The following CGNL1 variants were observed in gnomAD, a reference collection of about 807,000 sequenced individuals.
CGNL1 encodes the protein cingulin like 1.
In CGNL1, 132 loss-of-function variants were observed where a neutral mutation model predicts 141.2. The ratio of observed to expected loss-of-function variants is 0.93; its 90% CI spans 0.81 to 1.08. CGNL1 has a LOEUF of 1.08. Ranked by LOEUF, CGNL1 falls within the 50% of genes least tolerant of loss-of-function variation. CGNL1 has a pLI of 0.00. For missense variants in CGNL1, 1,870 were observed against 1,588.6 expected (o/e 1.18, Z -3.01); for synonymous variants, 690 against 622.1 (o/e 1.11, Z -1.63).
At chr15:57,458,805 A>G (rs1476025954) in intron 7 of CGNL1, among the ~76,000 whole-genome samples, 1 of 152,180 alleles carries the variant, frequency 6.6e-6, no homozygotes, top group Non-Finnish European at 1.5e-5. Flanking sequence ...GTATAATTTC[A>G]TAAGATCTCT....
intron 8 of CGNL1, among the ~76,000 whole-genome samples, chr15:57,482,080 C>A (rs2063733322): frequency 6.6e-6 from 1 of 151,282 alleles, no homozygotes; most frequent in African/African-American, 2.4e-5. Flanking sequence ...CTATTCATGT[C>A]TTTTGCCCAT....
intron 14 of CGNL1, among the ~76,000 whole-genome samples, chr15:57,539,070 T>C (rs2032424825): frequency 6.6e-6 from 1 of 152,126 alleles, no homozygotes; most frequent in Non-Finnish European, 1.5e-5. Context: ...ATTCTTGGTG[T>C]TTCCCCTCTG....
At chr15:57,418,800 T>C (rs1320167819) in intron 1 of CGNL1, among the ~76,000 whole-genome samples, 1 of 152,144 alleles carries the variant, frequency 6.6e-6, no homozygotes, top group African/African-American at 2.4e-5. Flanking sequence ...GTGTGCCCGG[T>C]GACCTATTGA....
intron 14 of CGNL1, among the ~76,000 whole-genome samples, chr15:57,538,099 G>A (rs2140214656): frequency 6.6e-6 from 1 of 152,320 alleles, no homozygotes; most frequent in Admixed American, 6.5e-5. Context: ...CTAGTCCTGG[G>A]ATCACTGCAC....
intron 12 of CGNL1, among the ~76,000 whole-genome samples, chr15:57,525,680 A>G (rs2031565631): frequency 6.6e-6 from 1 of 152,192 alleles, no homozygotes. Context: ...TTTAAAAAAC[A>G]AACTTTAATT....
chr15:57,543,914 T>C, intron 15 of CGNL1, 135 bp downstream of exon 15: 1 of 621,254 alleles, frequency 1.6e-6, no homozygotes, highest in Non-Finnish European at 2.8e-6. Flanking sequence ...TAACAGTCCT[T>C]TTCCAGAGTT....
Position 57,548,003 on chromosome 15 carries a change from CTT to C in CGNL1, c.*527_*528del, listed in dbSNP as rs35382198. The C allele has an allele frequency of 1.2e-4, 16 of 138,950 alleles. No homozygotes were observed. The highest frequency in any genetic ancestry group is 2.1e-4 in the East Asian group (1 of 4,846). The allele number at this position is 138,950 out of a possible 1,614,324, so 8.6% of individuals were successfully genotyped here. A position where few individuals can be genotyped will look rare whatever the true frequency, so the allele number is the denominator to read the frequency against. ...AGTTCATGCATCTATATTGAGTATT[CTT>C]TTTTTTTTTTTTTGAGATGGAGTTT... On this transcript the variant is annotated 3_prime_UTR_variant, in exon 19 of 19. Coordinates refer to ENST00000281282, the MANE Select transcript of CGNL1 (RefSeq NM_032866.5).
Position 57,438,550 on chromosome 15 carries a change from A to G in CGNL1, c.551A>G (p.Asn184Ser). ...AAAACGTTGACAGAAGAAGGCATCA[A>G]CAATAAGAAGCCTTGGACTTGCTTT... ...WLKTLTEEGI[N>S]NKKPWTCFPK... Residue 184 changes from asparagine (N) to serine (S), a missense_variant, in exon 2 of 19, where the codon AAC becomes AGC. Asn to Ser is a conservative substitution (Grantham distance 46, BLOSUM62 1). Transcript: ENST00000281282. 1.2e-6 allele frequency: 2 copies of G among 1,613,852 alleles called. No individual in the cohort carries two copies. The highest frequency in any genetic ancestry group is 1.7e-6 in the Non-Finnish European group (2 of 1,180,020).
intron 8 of CGNL1, among the ~76,000 whole-genome samples, chr15:57,507,233 G>A (rs2064115306): frequency 6.6e-6 from 1 of 152,180 alleles, no homozygotes. Context: ...TCACTTAACT[G>A]CTCTACATCT....
rs778889485 is a variant in CGNL1 at position 57,452,121 on chromosome 15, A to G, written c.1906-20A>G. ...TAATGTACAGTGGAGGCTCTTTAAAATCACACTGATTCCTGTTAGAATCAA... is the reference window on the plus strand; with the variant it reads ...TAATGTACAGTGGAGGCTCTTTAAAGTCACACTGATTCCTGTTAGAATCAA... On this transcript the variant is annotated intron_variant, in intron 5 of 18. Coordinates refer to ENST00000281282, the MANE Select transcript of CGNL1 (RefSeq NM_032866.5). 62 of 1,607,264 alleles carry G rather than the reference A, an allele frequency of 3.9e-5. 1 individual carries two copies. In the South Asian group the frequency reaches 6.5e-4, roughly 17 times the overall value.
At chr15:57,528,940 C>A in intron 13 of CGNL1, 125 bp downstream of exon 13, 2 of 998,614 alleles carry the variant, frequency 2.0e-6, no homozygotes, top group Non-Finnish European at 2.9e-6. Context: ...TCTCCCACAG[C>A]TGGGTGTAGT....
chr15:57,390,487 G>C lies in CGNL1; in HGVS notation c.-16+13920G>C, dbSNP rs2062530603. 2.6e-5 allele frequency among the ~76,000 whole-genome samples: 4 copies of C among 152,224 alleles called. No individual in the cohort carries two copies. In the South Asian group the frequency reaches 8.3e-4, roughly 32 times the overall value. ...GAGGAAGTATACCTGGCCAGTTCTAGTAGGAGGTAACTCGAAGTCATATGG... is the reference window on the plus strand; with the variant it reads ...GAGGAAGTATACCTGGCCAGTTCTACTAGGAGGTAACTCGAAGTCATATGG... On this transcript the variant is annotated intron_variant, in intron 1 of 18. Coordinates refer to ENST00000281282, the MANE Select transcript of CGNL1 (RefSeq NM_032866.5).
At chr15:57,416,552 C>T (rs1490977891) in intron 1 of CGNL1, among the ~76,000 whole-genome samples, 4 of 152,152 alleles carry the variant, frequency 2.6e-5, no homozygotes, top group African/African-American at 9.7e-5. Context: ...TGCCTGCAGC[C>T]ATCTTGCTTC....
chr15:57,488,978 T>G (rs1203921410), intron 8 of CGNL1, among the ~76,000 whole-genome samples: 2 of 152,224 alleles, frequency 1.3e-5, no homozygotes, highest in African/African-American at 4.8e-5. Context: ...CACAACAGCC[T>G]GTCTATAAGT....
intron 8 of CGNL1, among the ~76,000 whole-genome samples, chr15:57,474,711 C>G (rs2063629239): frequency 1.3e-5 from 2 of 152,126 alleles, no homozygotes; most frequent in Non-Finnish European, 2.9e-5. Context: ...TAATATATTG[C>G]TATACATGCA....
chr15:57,456,733 G>T (rs1338824745), intron 7 of CGNL1, among the ~76,000 whole-genome samples: 1 of 152,030 alleles, frequency 6.6e-6, no homozygotes, highest in South Asian at 2.1e-4. Flanking sequence ...ACAGGTCAAC[G>T]TGAGACAGCT....
chr15:57,514,315 C>A (rs1434104138), intron 8 of CGNL1, among the ~76,000 whole-genome samples: 1 of 151,944 alleles, frequency 6.6e-6, no homozygotes, highest in Non-Finnish European at 1.5e-5. Flanking sequence ...CCACACCTGG[C>A]TGATTTTTGT....
At chr15:57,415,621 T>G (rs756936454) in intron 1 of CGNL1, among the ~76,000 whole-genome samples, 8 of 152,204 alleles carry the variant, frequency 5.3e-5, no homozygotes, top group Non-Finnish European at 1.2e-4. Context: ...CTACCCACCC[T>G]CTTGCAGTAA....
intron 1 of CGNL1, among the ~76,000 whole-genome samples, chr15:57,417,196 T>C (rs1258713927): frequency 1.3e-5 from 2 of 152,244 alleles, no homozygotes; most frequent in Admixed American, 6.5e-5. Context: ...TTAATAGCAC[T>C]AAATACCTAA....
Sources: allele counts gnomAD v4.1 joint callset (sites outside exome capture counted in the v4.1 genomes callset), GRCh38; gene constraint gnomAD v4.1.1; transcripts MANE v1.5; gene names NCBI Gene and HGNC (gene_info 2026-07-23, HGNC 2026-07-21).